RNF121: variants seen among roughly 807,000 people sequenced by gnomAD.
RNF121 encodes the protein E3 ubiquitin ligase RNF121.
In RNF121, 21 loss-of-function variants were observed where a neutral mutation model predicts 46.5. The ratio of observed to expected loss-of-function variants is 0.45; its 90% confidence interval spans 0.32 to 0.65. The LOEUF (loss-of-function observed/expected upper bound fraction) is 0.65, where lower values mean the gene tolerates loss of function less well. RNF121 is among the 30% of genes least tolerant of loss of function. The pLI is 0.04. For synonymous variants in RNF121, 139 were observed against 144.7 expected, an observed-to-expected ratio of 0.96 and a Z score of 0.28; for missense variants, 346 against 416.0, an observed-to-expected ratio of 0.83 and a Z score of 1.46.
intron 1 of RNF121, among the ~76,000 whole-genome samples, chr11:71,942,783 T>TAGATAG (rs200563413): frequency 5.8e-5 from 1 of 17,220 alleles, no homozygotes; most frequent in Non-Finnish European, 1.6e-4. Flanking sequence ...TATATATATA[T>TAGATAG]ATATATAGAT....
intron 1 of RNF121, among the ~76,000 whole-genome samples, chr11:71,935,197 T>A (rs1313661084): frequency 6.6e-6 from 1 of 152,162 alleles, no homozygotes; most frequent in Non-Finnish European, 1.5e-5. Flanking sequence ...CCTCCCAAAG[T>A]GTTGGGATTA....
intron 6 of RNF121, among the ~76,000 whole-genome samples, chr11:71,991,696 G>A (rs545567324): frequency 7.9e-5 from 12 of 152,268 alleles, no homozygotes; most frequent in African/African-American, 1.9e-4. Flanking sequence ...GTCCTGTCAC[G>A]GGAGAAAGTG....
chr11:71,973,063 G>A (rs1164143876), intron 3 of RNF121, among the ~76,000 whole-genome samples: 1 of 152,114 alleles, frequency 6.6e-6, no homozygotes, highest in African/African-American at 2.4e-5. Flanking sequence ...GTGCATGCCT[G>A]TAATCCCAGC....
Position 71,929,108 on chromosome 11 carries a change from A to G in RNF121, c.47A>G (p.Glu16Gly). 1 of 1,551,460 alleles carries G rather than the reference A, an allele frequency of 6.4e-7. No individual in the cohort carries two copies. The highest frequency in any genetic ancestry group is 2.4e-5 in the East Asian group (1 of 40,942). Residue 16 changes from glutamate (E) to glycine (G), a missense_variant, in exon 1 of 9, where the codon GAA becomes GGA. Around this residue, in one of 2 missense-constraint regions of RNF121, gnomAD observed 60 missense variants for 32.2 expected, o/e 1.86. Transcript: ENST00000361756. ...EVEVGGGAAG[E>G]RELDEVDMSD... is the part of the protein sequence containing the mutation. ...GAGGTTGGAGGTGGTGCTGCTGGGG[A>G]ACGGGAGCTGGATGAGGTAAGCGGA...
chr11:71,943,129 C>T (rs1953625675), intron 1 of RNF121, among the ~76,000 whole-genome samples: 1 of 152,150 alleles, frequency 6.6e-6, no homozygotes, highest in South Asian at 2.1e-4. Context: ...ACATTCAGAC[C>T]ATAGCAGGGA....
At chr11:71,965,603 A>G (rs192585761) in intron 3 of RNF121, among the ~76,000 whole-genome samples, 18 of 152,304 alleles carry the variant, frequency 1.2e-4, no homozygotes, top group Non-Finnish European at 1.8e-4. Context: ...TTATCGATTG[A>G]CTTGTTAATT....
intron 1 of RNF121, among the ~76,000 whole-genome samples, chr11:71,951,469 T>G (rs553131139): frequency 3.3e-4 from 50 of 152,020 alleles, no homozygotes; most frequent in South Asian, 1.5e-3. Flanking sequence ...TCCTAGCTAC[T>G]TGGGAGGCTG....
At chr11:71,958,597 C>T (rs1954049621) in intron 2 of RNF121, among the ~76,000 whole-genome samples, 1 of 151,966 alleles carries the variant, frequency 6.6e-6, no homozygotes, top group Non-Finnish European at 1.5e-5. Flanking sequence ...GTGGTAGCTC[C>T]CACCTGTAAT....
At chr11:71,951,940 T>TA (rs761414526) in intron 1 of RNF121, among the ~76,000 whole-genome samples, 51 of 152,160 alleles carry the variant, frequency 3.4e-4, no homozygotes, top group Non-Finnish European at 5.6e-4. Flanking sequence ...AGCAGAGACT[T>TA]ACCATATGAT....
chr11:71,946,665 G>A (rs77585300), intron 1 of RNF121, among the ~76,000 whole-genome samples: 4,857 of 148,148 alleles, frequency 0.033, 76 homozygotes, highest in East Asian at 0.079. Context: ...TTTTTTTTTA[G>A]AGTGACGGAA....
At chr11:71,986,963 ATC>A (rs892105046) in intron 4 of RNF121, 39 bp from the exon 5 acceptor site, 1 of 1,160,490 alleles carries the variant, frequency 8.6e-7, no homozygotes, top group Admixed American at 1.7e-5. Context: ...TAAGGCCAGA[ATC>A]TCTGTGTCAG....
At chr11:71,979,932 G>A (rs1954611427) in intron 3 of RNF121, among the ~76,000 whole-genome samples, 1 of 152,170 alleles carries the variant, frequency 6.6e-6, no homozygotes, top group African/African-American at 2.4e-5. Context: ...ATAGCATGAA[G>A]ACCAAAACCT....
chr11:71,984,250 G>GTT (rs747317165), intron 4 of RNF121, among the ~76,000 whole-genome samples: 37 of 152,316 alleles, frequency 2.4e-4, no homozygotes, highest in Middle Eastern at 3.4e-3. Context: ...AAATATGTCT[G>GTT]TAATACAGAG....
chr11:71,944,152 T>G (rs568278632), intron 1 of RNF121, among the ~76,000 whole-genome samples: 4 of 152,128 alleles, frequency 2.6e-5, no homozygotes, highest in African/African-American at 9.6e-5. Flanking sequence ...GGCAACATGA[T>G]GAAACCCCGT....
Position 71,957,281 on chromosome 11 carries a change from G to A in RNF121, c.101+17G>A, listed in dbSNP as rs1365247777. ...GCAATGGAGGTAAGTGTGGTAGTTC[G>A]GGCCCTGCAGTCTAGGAACTGCAGG... On this transcript the variant is annotated intron_variant, in intron 2 of 8. Transcript: ENST00000361756. The A allele has an allele frequency of 8.4e-6, 13 of 1,555,800 alleles. No individual in the cohort carries two copies. The highest frequency in any genetic ancestry group is 2.2e-5 in the South Asian group (2 of 89,686).
At chr11:71,965,571 T>A (rs1293671025) in intron 3 of RNF121, among the ~76,000 whole-genome samples, 1 of 152,162 alleles carries the variant, frequency 6.6e-6, no homozygotes, top group African/African-American at 2.4e-5. Flanking sequence ...AAAATAGATC[T>A]CAAATAAAAT....
chr11:71,967,047 A>G (rs1954292900), intron 3 of RNF121, among the ~76,000 whole-genome samples: 1 of 143,562 alleles, frequency 7.0e-6, no homozygotes. Context: ...AATTTTTTGT[A>G]TTTTTAGTAG....
In RNF121 at chr11:71,970,436, G is replaced by T. The variant is rs1202135736; in HGVS notation, c.243+9545G>T. The stretch of plus-strand genomic sequence containing the variant: ...AGCACTTTGGAAGACTAAGGTGGAA[G>T]GATCACTTGATTCCAGGAGTTCCAG... On this transcript the variant is annotated intron_variant, in intron 3 of 8. Coordinates refer to ENST00000361756, the MANE Select transcript of RNF121 (RefSeq NM_018320.5). Among the ~76,000 whole-genome samples, 5 of 152,292 alleles carry T rather than the reference G, an allele frequency of 3.3e-5. No individual in the cohort carries two copies. The South Asian group carries it at 6.2e-4, about 19-fold the overall frequency.
chr11:71,933,389 A>G (rs1220197417), intron 1 of RNF121, among the ~76,000 whole-genome samples: 2 of 152,222 alleles, frequency 1.3e-5, no homozygotes, highest in East Asian at 3.8e-4. Flanking sequence ...AACTTGAGGT[A>G]TTAATATTAT....
Sources: allele counts gnomAD v4.1 joint callset (sites outside exome capture counted in the v4.1 genomes callset), GRCh38; gene constraint gnomAD v4.1.1; regional missense constraint gnomAD v4.1.1; transcripts MANE v1.5; gene names NCBI Gene and HGNC (gene_info 2026-07-23, HGNC 2026-07-21).